PHF21B: variants seen among roughly 807,000 people sequenced by gnomAD.
The protein encoded by PHF21B is PHD finger protein 21B, also known as PHD finger protein 4.
In PHF21B, 22 loss-of-function variants were observed where a neutral mutation model predicts 62.2. That is an observed-to-expected ratio of 0.35 (90% confidence interval 0.25 to 0.51). PHF21B has a LOEUF of 0.51. Among genes scored for constraint, PHF21B ranks in the 20% least tolerant of loss-of-function variants. PHF21B has a pLI of 0.97. For missense variants in PHF21B, 701 were observed against 707.9 expected (o/e 0.99, Z 0.11); for synonymous variants, 341 against 314.7 (o/e 1.08, Z -0.88).
At position 44,933,227 on chromosome 22, in the gene PHF21B, T is replaced by C. The variant is rs899623189; in HGVS notation, c.121-12737A>G. On this transcript the variant is annotated intron_variant, in intron 2 of 12. Transcript: ENST00000313237. Reference sequence around the variant, plus strand: ...CCTGGGTTCAAGCGATTCTCCTGCCTCAGCCTCCCAAGTAGCTGGGATTAC... The same window carrying C: ...CCTGGGTTCAAGCGATTCTCCTGCCCCAGCCTCCCAAGTAGCTGGGATTAC... Among the ~76,000 whole-genome samples the C allele has an allele frequency of 5.9e-5, 9 of 151,916 alleles. 1 individual carries two copies.
At chr22:44,887,611 CG>C (rs2070882337) in intron 10 of PHF21B, among the ~76,000 whole-genome samples, 1 of 151,704 alleles carries the variant, frequency 6.6e-6, no homozygotes, top group Non-Finnish European at 1.5e-5. Flanking sequence ...AAAAATTATC[CG>C]GGTGTGGTGG....
chr22:44,952,228 A>G (rs1340010667), intron 2 of PHF21B, among the ~76,000 whole-genome samples: 1 of 152,168 alleles, frequency 6.6e-6, no homozygotes. Flanking sequence ...CTATAATCCC[A>G]GCTACTTTGG....
At chr22:44,927,146 G>C (rs563381197) in intron 2 of PHF21B, among the ~76,000 whole-genome samples, 1 of 152,066 alleles carries the variant, frequency 6.6e-6, no homozygotes, top group Non-Finnish European at 1.5e-5. Context: ...CCGAGAGAGA[G>C]GTGAGGAGAT....
At position 44,883,268 on chromosome 22, in the gene PHF21B, G is replaced by C. The variant is rs1285649746; in HGVS notation, c.1414C>G (p.Gln472Glu). 1 of 1,613,902 alleles carries C rather than the reference G, an allele frequency of 6.2e-7. No individual in the cohort carries two copies. The highest frequency in any genetic ancestry group is 1.7e-5 in the Admixed American group (1 of 60,020). The stretch of plus-strand genomic sequence containing the variant: ...TCCAGGGATGACTGGGTGCCCCTCT[G>C]GCGGGCCAGCAGGCTTGTCTTCAAC... The part of the protein sequence containing the change: ...LELKTSLLAR[Q>E]RGTQSSLDRL... Residue 472 changes from glutamine (Q) to glutamate (E), a missense_variant, in exon 13 of 13, where the codon CAG (glutamine) becomes GAG (glutamate). Transcript: ENST00000313237.
At chr22:44,999,202 C>T (rs1202305567) in intron 2 of PHF21B, among the ~76,000 whole-genome samples, 1 of 152,210 alleles carries the variant, frequency 6.6e-6, no homozygotes, top group East Asian at 1.9e-4. Context: ...CCACCAAAAA[C>T]AACACAGAGC....
intron 2 of PHF21B, among the ~76,000 whole-genome samples, chr22:44,955,097 G>A (rs1333060760): frequency 6.6e-6 from 1 of 152,224 alleles, no homozygotes; most frequent in Non-Finnish European, 1.5e-5. Context: ...GGCAGAGGGT[G>A]GGAATGGCCG....
chr22:44,910,684 C>A (rs994967213), intron 5 of PHF21B, among the ~76,000 whole-genome samples: 4 of 152,208 alleles, frequency 2.6e-5, no homozygotes, highest in African/African-American at 9.6e-5. Context: ...CCATCTGGAA[C>A]TGTGAGTTCT....
chr22:44,933,629 G>T, intron 2 of PHF21B: 1 of 717,720 alleles, frequency 1.4e-6, no homozygotes, highest in Non-Finnish European at 1.7e-6. Flanking sequence ...TGGGGTGGGG[G>T]AGCCGTCTGA....
At chr22:44,893,372 TGAGG>T in intron 7 of PHF21B, 81 bp downstream of exon 7, 1 of 1,336,770 alleles carries the variant, frequency 7.5e-7, no homozygotes, top group South Asian at 1.3e-5. Flanking sequence ...GGAAAGCGAA[TGAGG>T]GAGGCCCTGG....
chr22:44,905,279 A>G (rs2071228342), intron 5 of PHF21B, among the ~76,000 whole-genome samples: 1 of 152,154 alleles, frequency 6.6e-6, no homozygotes, highest in Non-Finnish European at 1.5e-5. Context: ...ACGGTATCCT[A>G]TTCAAAAGCA....
chr22:44,957,943 C>T (rs1432342444), intron 2 of PHF21B, among the ~76,000 whole-genome samples: 2 of 150,996 alleles, frequency 1.3e-5, no homozygotes, highest in African/African-American at 4.9e-5. Context: ...GCTCTTGTTG[C>T]CCAGGCTGGA....
chr22:44,932,302 G>C (rs984871419), intron 2 of PHF21B, among the ~76,000 whole-genome samples: 2 of 152,204 alleles, frequency 1.3e-5, no homozygotes, highest in Non-Finnish European at 2.9e-5. Flanking sequence ...TGAGGTAAGA[G>C]GAAAAACACA....
intron 2 of PHF21B, among the ~76,000 whole-genome samples, chr22:44,975,999 C>A (rs544885748): frequency 4.6e-5 from 7 of 152,262 alleles, no homozygotes; most frequent in Admixed American, 1.3e-4. Context: ...GAAACCTCAT[C>A]TCTACAAAAA....
At chr22:44,928,218 G>A (rs911501767) in intron 2 of PHF21B, among the ~76,000 whole-genome samples, 1 of 152,068 alleles carries the variant, frequency 6.6e-6, no homozygotes, top group Non-Finnish European at 1.5e-5. Context: ...GCTTCAGCAC[G>A]CACCACCAGG....
intron 2 of PHF21B, chr22:44,967,306 C>T (rs2072547538): frequency 2.7e-5 from 4 of 150,910 alleles, no homozygotes; most frequent in Admixed American, 2.6e-4. Flanking sequence ...CTGCAAGCTC[C>T]ACCTCCCGGG....
chr22:44,996,100 C>T (rs1049382153), intron 2 of PHF21B, among the ~76,000 whole-genome samples: 3 of 152,168 alleles, frequency 2.0e-5, no homozygotes, highest in African/African-American at 7.2e-5. Flanking sequence ...CGGCACAGGG[C>T]CCATGCCACA....
At chr22:44,977,125 G>A (rs2072751423) in intron 2 of PHF21B, among the ~76,000 whole-genome samples, 1 of 150,552 alleles carries the variant, frequency 6.6e-6, no homozygotes, top group African/African-American at 2.5e-5. Context: ...GTCTCAAAAA[G>A]AAAAGAAAGA....
intron 5 of PHF21B, among the ~76,000 whole-genome samples, chr22:44,898,527 G>A (rs2071099596): frequency 6.6e-6 from 1 of 152,054 alleles, no homozygotes; most frequent in African/African-American, 2.4e-5. Context: ...TTAAGGAGCT[G>A]GGAATCAGAC....
chr22:44,984,975 T>C (rs2072920195), intron 2 of PHF21B, among the ~76,000 whole-genome samples: 1 of 152,192 alleles, frequency 6.6e-6, no homozygotes, highest in Admixed American at 6.5e-5. Flanking sequence ...GTCAAGGTCT[T>C]TAAAAGTGAT....
Sources: gnomAD v4.1 joint callset for allele counts (sites outside exome capture counted in the v4.1 genomes callset) on GRCh38, gnomAD v4.1.1 for gene constraint, MANE v1.5 for transcripts, NCBI Gene and HGNC (gene_info 2026-07-23, HGNC 2026-07-21) for gene names.